The following SLC2A13 variants were observed in gnomAD, a reference collection of about 807,000 sequenced individuals.
SLC2A13 encodes the protein solute carrier family 2 member 13.
A neutral mutation model predicts 64.4 loss-of-function variants in SLC2A13; 32 were observed. The observed-to-expected ratio is 0.50, with a 90% CI of 0.37 to 0.67. The LOEUF (loss-of-function observed/expected upper bound fraction) is 0.67, where lower values mean the gene tolerates loss of function less well. Ranked by LOEUF, SLC2A13 falls within the 30% of genes least tolerant of loss-of-function variation. The pLI is 0.00. For synonymous variants in SLC2A13, 338 were observed against 327.1 expected (o/e 1.03, Z -0.36); for missense variants, 743 against 829.2 (o/e 0.90, Z 1.28).
intron 7 of SLC2A13, among the ~76,000 whole-genome samples, chr12:39,773,429 A>T (rs1304776291): frequency 1.3e-5 from 2 of 152,156 alleles, no homozygotes; most frequent in African/African-American, 2.4e-5. Flanking sequence ...AACATGTAGA[A>T]ATTAACAGCT....
intron 7 of SLC2A13, among the ~76,000 whole-genome samples, chr12:39,805,156 G>A (rs1941936502): frequency 1.4e-5 from 2 of 146,464 alleles, no homozygotes; most frequent in African/African-American, 2.5e-5. Context: ...CCAGGCCAGA[G>A]AGTTGTGTGT....
chr12:39,994,826 G>C (rs1947200691), intron 3 of SLC2A13, among the ~76,000 whole-genome samples: 1 of 152,220 alleles, frequency 6.6e-6, no homozygotes, highest in Non-Finnish European at 1.5e-5. Flanking sequence ...GAGAGGATGA[G>C]ATAGTGCATG....
intron 7 of SLC2A13, among the ~76,000 whole-genome samples, chr12:39,803,238 A>C (rs1006928535): frequency 2.6e-5 from 4 of 151,974 alleles, no homozygotes; most frequent in African/African-American, 9.7e-5. Flanking sequence ...TAGAAGGACA[A>C]GCTCTCAACA....
chr12:39,901,861 T>C (rs1945125342), intron 4 of SLC2A13, among the ~76,000 whole-genome samples: 1 of 150,324 alleles, frequency 6.7e-6, no homozygotes. Context: ...CAAAGGACTA[T>C]AAATCATGCT....
chr12:39,837,227 C>G (rs942101651), intron 6 of SLC2A13, among the ~76,000 whole-genome samples: 1 of 150,776 alleles, frequency 6.6e-6, no homozygotes, highest in African/African-American at 2.4e-5. Flanking sequence ...CTGAGAAAAA[C>G]AAGCAATGGG....
At chr12:39,935,475 T>C (rs1945902464) in intron 4 of SLC2A13, among the ~76,000 whole-genome samples, 1 of 152,300 alleles carries the variant, frequency 6.6e-6, no homozygotes, top group Admixed American at 6.5e-5. Context: ...TTATACATCA[T>C]GCTATGACTC....
At chr12:39,978,108 A>T (rs971249994) in intron 3 of SLC2A13, among the ~76,000 whole-genome samples, 1 of 152,230 alleles carries the variant, frequency 6.6e-6, no homozygotes, top group Non-Finnish European at 1.5e-5. Context: ...CCTTCAATAC[A>T]TTTTTGTTGA....
chr12:39,941,379 A>G (rs1018290664), intron 4 of SLC2A13, among the ~76,000 whole-genome samples: 1 of 152,194 alleles, frequency 6.6e-6, no homozygotes, highest in African/African-American at 2.4e-5. Flanking sequence ...ACTAGTTTAC[A>G]TTCCCACCAG....
chr12:39,777,973 T>C (rs6581329), intron 7 of SLC2A13, among the ~76,000 whole-genome samples: 147,258 of 150,428 alleles, frequency 0.98, 72,086 homozygotes, highest in East Asian at 1. Flanking sequence ...TACCTATGGA[T>C]GGCTAAACTA....
intron 7 of SLC2A13, among the ~76,000 whole-genome samples, chr12:39,794,293 T>C (rs74086706): frequency 0.014 from 2,181 of 152,256 alleles, 51 homozygotes; most frequent in African/African-American, 0.049. Context: ...ACATTTTCTG[T>C]TGCATTTTGA....
intron 7 of SLC2A13, among the ~76,000 whole-genome samples, chr12:39,809,662 C>T (rs1301703345): frequency 3.9e-5 from 6 of 152,146 alleles, no homozygotes; most frequent in Admixed American, 3.9e-4. Flanking sequence ...CCCCATCCCC[C>T]CACCCCACAA....
chr12:39,762,007 T>C (rs373074297), intron 9 of SLC2A13, among the ~76,000 whole-genome samples: 1 of 152,058 alleles, frequency 6.6e-6, no homozygotes, highest in Non-Finnish European at 1.5e-5. Context: ...TGATTACAGA[T>C]TCTTTCTTGT....
chr12:39,901,211 A>C (rs1187974701), intron 4 of SLC2A13, among the ~76,000 whole-genome samples: 1 of 152,206 alleles, frequency 6.6e-6, no homozygotes, highest in East Asian at 1.9e-4. Flanking sequence ...TAAAGACTTA[A>C]ACGTTAGACC....
chr12:39,829,801 C>G (rs78639991), intron 7 of SLC2A13: 5,465 of 342,638 alleles, frequency 0.016, 75 homozygotes, highest in Middle Eastern at 0.02. Context: ...AAACAATATG[C>G]AGTGGGAGAA....
chr12:39,894,889 G>A (rs1944701152), intron 4 of SLC2A13, among the ~76,000 whole-genome samples: 1 of 152,164 alleles, frequency 6.6e-6, no homozygotes, highest in Non-Finnish European at 1.5e-5. Context: ...AAATGGATAT[G>A]AAACCATCGG....
intron 3 of SLC2A13, among the ~76,000 whole-genome samples, chr12:39,992,278 G>T (rs1947150484): frequency 1.3e-5 from 2 of 152,140 alleles, no homozygotes; most frequent in Non-Finnish European, 1.5e-5. Flanking sequence ...TGATTACGTT[G>T]TGCTTTCTAC....
At position 39,835,693 on chromosome 12, in the gene SLC2A13, T is replaced by A. The variant is rs531055520; in HGVS notation, c.1320-5465A>T. On this transcript the variant is annotated intron_variant, in intron 6 of 9. Coordinates refer to ENST00000280871, the MANE Select transcript of SLC2A13 (RefSeq NM_052885.4). ...AGGCCATGCTTACCAACTCTGTATCTGTAGAACAGCATGCAGCCCCCTGCA... is the reference window on the plus strand; with the variant it reads ...AGGCCATGCTTACCAACTCTGTATCAGTAGAACAGCATGCAGCCCCCTGCA... 9 of 152,226 alleles carry A rather than the reference T, an allele frequency of 5.9e-5. No individual in the cohort carries two copies. In the South Asian group the frequency reaches 1.9e-3, roughly 32 times the overall value. The allele number at this position is 152,226 out of a possible 1,614,324, so 9.4% of individuals were successfully genotyped here.
At chr12:39,801,793 A>C (rs1034790704) in intron 7 of SLC2A13, among the ~76,000 whole-genome samples, 1 of 152,230 alleles carries the variant, frequency 6.6e-6, no homozygotes, top group Non-Finnish European at 1.5e-5. Flanking sequence ...GCAAAATCAG[A>C]TCAACTGGAA....
At chr12:40,038,589 G>A (rs1167279190) in intron 2 of SLC2A13, among the ~76,000 whole-genome samples, 1 of 151,830 alleles carries the variant, frequency 6.6e-6, no homozygotes, top group Non-Finnish European at 1.5e-5. Flanking sequence ...AAAATTAATG[G>A]GCATGGTGGC....
Sources: gnomAD v4.1 joint callset for allele counts (sites outside exome capture counted in the v4.1 genomes callset) on GRCh38, gnomAD v4.1.1 for gene constraint, MANE v1.5 for transcripts, NCBI Gene and HGNC (gene_info 2026-07-23, HGNC 2026-07-21) for gene names.